Variants in STXBP4 observed in about 807,000 individuals in gnomAD.
STXBP4 encodes syntaxin-binding protein 4.
STXBP4 carries 55 observed loss-of-function variants against 76.1 expected under a neutral mutation model. The ratio of observed to expected loss-of-function variants is 0.72; its 90% CI spans 0.58 to 0.91. The LOEUF is 0.91. Among genes scored for constraint, STXBP4 ranks in the 40% least tolerant of loss-of-function variants. The pLI is 0.00. For missense variants in STXBP4, 618 were observed against 636.9 expected (o/e 0.97, Z 0.32); for synonymous variants, 201 against 220.2 (o/e 0.91, Z 0.77).
intron 17 of STXBP4, among the ~76,000 whole-genome samples, chr17:55,159,251 C>CATAAATAAATAA (rs758430026): frequency 8.6e-5 from 13 of 151,880 alleles, no homozygotes; most frequent in African/African-American, 2.7e-4. Context: ...GTCTCAAATA[C>CATAAATAAATAA]ATAAATAAAT....
chr17:55,002,115 C>T (rs1003220604), intron 7 of STXBP4, among the ~76,000 whole-genome samples: 1 of 152,108 alleles, frequency 6.6e-6, no homozygotes, highest in Non-Finnish European at 1.5e-5. Flanking sequence ...TTTCCAGTCT[C>T]TGCATGTACT....
intron 12 of STXBP4, among the ~76,000 whole-genome samples, chr17:55,065,083 T>G (rs1179820483): frequency 6.6e-6 from 1 of 152,218 alleles, no homozygotes; most frequent in East Asian, 1.9e-4. Context: ...AGGGTCTGTA[T>G]GGGGCTATCT....
the STXBP4 span, among the ~76,000 whole-genome samples, chr17:55,207,726 G>A: frequency 4.6e-5 from 7 of 152,290 alleles, no homozygotes; most frequent in East Asian, 1.4e-3. Context: ...CTGCAAATCT[G>A]AAACAATAGG....
At chr17:55,155,454 T>C (rs1187771522) in intron 17 of STXBP4, among the ~76,000 whole-genome samples, 1 of 152,052 alleles carries the variant, frequency 6.6e-6, no homozygotes, top group South Asian at 2.1e-4. Context: ...TAACATATAG[T>C]TACTTATTTG....
At chr17:55,018,780 G>T (rs781503251) in intron 8 of STXBP4, among the ~76,000 whole-genome samples, 3 of 152,138 alleles carry the variant, frequency 2.0e-5, no homozygotes, top group African/African-American at 2.4e-5. Context: ...TCTTAAGGGT[G>T]GGGGAGATTA....
intron 8 of STXBP4, among the ~76,000 whole-genome samples, chr17:55,028,425 T>C (rs890461914): frequency 1.3e-5 from 2 of 152,110 alleles, no homozygotes; most frequent in Admixed American, 1.3e-4. Flanking sequence ...TGTGACAATT[T>C]TTGCAAAAAA....
the STXBP4 span, among the ~76,000 whole-genome samples, chr17:55,183,414 A>T: frequency 6.6e-6 from 1 of 152,178 alleles, no homozygotes; most frequent in South Asian, 2.1e-4. Flanking sequence ...AGCAAGACCC[A>T]GTCTCTATAA....
At chr17:55,063,818 A>G (rs923348119) in intron 12 of STXBP4, among the ~76,000 whole-genome samples, 1 of 152,182 alleles carries the variant, frequency 6.6e-6, no homozygotes, top group African/African-American at 2.4e-5. Flanking sequence ...AATACACATC[A>G]CTAAAATTCC....
At chr17:55,189,575 C>T in the STXBP4 span, among the ~76,000 whole-genome samples, 2 of 152,176 alleles carry the variant, frequency 1.3e-5, no homozygotes, top group Admixed American at 6.6e-5. Flanking sequence ...GGTCAAGTTA[C>T]GTGCCCCAGA....
chr17:54,980,881 A>C (rs547426633), intron 1 of STXBP4, among the ~76,000 whole-genome samples: 39 of 152,308 alleles, frequency 2.6e-4, no homozygotes, highest in Middle Eastern at 3.4e-3. Context: ...GGACAACTTT[A>C]AATGTGTTCC....
intron 16 of STXBP4, among the ~76,000 whole-genome samples, chr17:55,085,603 T>C (rs111809539): frequency 6.6e-6 from 1 of 151,878 alleles, no homozygotes; most frequent in African/African-American, 2.4e-5. Flanking sequence ...GGGGAATAGA[T>C]GAAAAAAGAA....
chr17:55,114,114 G>A (rs1210609498), intron 16 of STXBP4, among the ~76,000 whole-genome samples: 1 of 151,582 alleles, frequency 6.6e-6, no homozygotes, highest in African/African-American at 2.4e-5. Context: ...CCCTTAATTG[G>A]CACTCATTTG....
intron 17 of STXBP4, among the ~76,000 whole-genome samples, chr17:55,154,716 A>C (rs1186701345): frequency 6.6e-6 from 1 of 152,218 alleles, no homozygotes; most frequent in East Asian, 1.9e-4. Context: ...AAATGTAATT[A>C]ATATTTTCCA....
intron 1 of STXBP4, among the ~76,000 whole-genome samples, chr17:54,985,239 A>G (rs1382228444): frequency 6.6e-6 from 1 of 152,242 alleles, no homozygotes; most frequent in Non-Finnish European, 1.5e-5. Context: ...TGAGGCTTGG[A>G]GAAGCCCAAA....
chr17:55,175,450 G>C (rs2080426403), downstream of STXBP4, among the ~76,000 whole-genome samples: 1 of 152,166 alleles, frequency 6.6e-6, no homozygotes, highest in African/African-American at 2.4e-5. Context: ...ACAGAAACCA[G>C]CCCAGGCTAT....
At chr17:55,083,926 A>G (rs193223689) in intron 16 of STXBP4, among the ~76,000 whole-genome samples, 56 of 152,320 alleles carry the variant, frequency 3.7e-4, no homozygotes, top group African/African-American at 1.3e-3. Flanking sequence ...TGTATGGGAA[A>G]GTGACAAGGT....
In STXBP4 at chr17:55,160,566, G is replaced by T. The variant is rs2145197022; in HGVS notation, c.*655G>T. 1 of 152,780 alleles carries T rather than the reference G, an allele frequency of 6.5e-6. No homozygotes were observed. Among genetic ancestry groups the T allele is most frequent in the East Asian group, 1.9e-4 (1 of 5,174 alleles). The allele number at this position is 152,780 out of a possible 1,614,324, so 9.5% of individuals were successfully genotyped here. ...GCAGTTCAGAGAGAGGAAGCTCTCT[G>T]TCCCAGCACCGAGACTCACTCCTAA... On this transcript the variant is annotated 3_prime_UTR_variant, in exon 18 of 18. Transcript: ENST00000376352.
the STXBP4 span, among the ~76,000 whole-genome samples, chr17:55,186,628 C>T: frequency 2.6e-5 from 4 of 152,098 alleles, no homozygotes; most frequent in African/African-American, 9.7e-5. Context: ...GAATTCTTGG[C>T]TTAGAGAAGA....
At chr17:54,991,479 G>GT (rs1301312851) in intron 4 of STXBP4, 1 of 152,078 alleles carries the variant, frequency 6.6e-6, no homozygotes, top group African/African-American at 2.4e-5. Flanking sequence ...CCTCTTCAGT[G>GT]TAAGAAATAT....
Sources: allele counts gnomAD v4.1 joint callset (sites outside exome capture counted in the v4.1 genomes callset), GRCh38; gene constraint gnomAD v4.1.1; transcripts MANE v1.5; gene names NCBI Gene and HGNC (gene_info 2026-07-23, HGNC 2026-07-21).